ZNF718: variants seen among roughly 807,000 people sequenced by gnomAD.
ZNF718 encodes zinc finger protein 718.
ZNF718 carries 3 observed loss-of-function variants against 2.6 expected under a neutral mutation model. That is an observed-to-expected ratio of 1.16 (90% CI 0.53 to 3.01). ZNF718 has a LOEUF of 3.01. ZNF718 is among the 30% of genes most tolerant of loss of function. The pLI is 0.03. For synonymous variants in ZNF718, 135 were observed against 77.9 expected, an observed-to-expected ratio of 1.73 and a Z score of -3.86; for missense variants, 468 against 230.0, an observed-to-expected ratio of 2.03 and a Z score of -6.69.
At chr4:171,819 C>G (rs1418961102) in intron 3 of ZNF718, among the ~76,000 whole-genome samples, 1 of 152,202 alleles carries the variant, frequency 6.6e-6, no homozygotes, top group Non-Finnish European at 1.5e-5. Flanking sequence ...CGCCCTGCTT[C>G]AGCTCAAGCT....
intron 3 of ZNF718, among the ~76,000 whole-genome samples, chr4:141,546 G>A (rs1402617487): frequency 6.6e-6 from 1 of 152,048 alleles, no homozygotes; most frequent in Non-Finnish European, 1.5e-5. Context: ...TGGATCAGAG[G>A]GCCACTGAAA....
rs782336701 is a variant in ZNF718, at chr4:124,669, A to T, written c.-2A>T. 6.2e-7 allele frequency: 1 copy of T among 1,609,186 alleles called. No homozygotes were observed. The highest frequency in any genetic ancestry group is 8.5e-7 in the Non-Finnish European group (1 of 1,179,722). The stretch of plus-strand genomic sequence containing the variant: ...ACTCTGGGACACTCCTGAAGTCGGG[A>T]AATGGTGAGTGTGCAGGGCAGGGCG... On this transcript the variant is annotated 5_prime_UTR_variant, in exon 1 of 4. Transcript: ENST00000510175.
intron 3 of ZNF718, among the ~76,000 whole-genome samples, chr4:196,506 G>A (rs967277107): frequency 2.0e-5 from 3 of 152,168 alleles, no homozygotes; most frequent in Non-Finnish European, 4.4e-5. Flanking sequence ...TAGATACAGA[G>A]GTAAGGAGAA....
chr4:179,307 C>T (rs1717410151), intron 3 of ZNF718, among the ~76,000 whole-genome samples: 2 of 152,174 alleles, frequency 1.3e-5, no homozygotes, highest in Non-Finnish European at 2.9e-5. Context: ...TCAGTTTTGA[C>T]ATCATGAGGT....
chr4:156,568 T>G (rs1209532403), intron 3 of ZNF718, among the ~76,000 whole-genome samples: 1 of 152,188 alleles, frequency 6.6e-6, no homozygotes, highest in Middle Eastern at 3.2e-3. Context: ...ATGCATTGTA[T>G]CTCTAGAATG....
At chr4:144,910 G>A (rs1715980584) in intron 3 of ZNF718, among the ~76,000 whole-genome samples, 2 of 151,214 alleles carry the variant, frequency 1.3e-5, no homozygotes, top group African/African-American at 4.9e-5. Flanking sequence ...TCAAATATAA[G>A]ACCCCATCAT....
intron 3 of ZNF718, among the ~76,000 whole-genome samples, chr4:175,939 C>T (rs537641593): frequency 1.9e-4 from 27 of 144,724 alleles, no homozygotes; most frequent in Admixed American, 4.5e-4. Flanking sequence ...TCACTGCAAG[C>T]TCCGCCTCCC....
intron 3 of ZNF718, among the ~76,000 whole-genome samples, chr4:148,610 C>CA (rs33957522): frequency 0.054 from 3,970 of 73,692 alleles, 180 homozygotes; most frequent in African/African-American, 0.12. Context: ...GACTCTGTCT[C>CA]AAAAAAAAAA....
downstream of ZNF718, among the ~76,000 whole-genome samples, chr4:166,185 A>G (rs1449325990): frequency 6.6e-6 from 1 of 152,080 alleles, no homozygotes; most frequent in Non-Finnish European, 1.5e-5. Context: ...TGAACTCATC[A>G]TTTTTTATGG....
chr4:191,219 G>C (rs1466941505), intron 3 of ZNF718, among the ~76,000 whole-genome samples: 1 of 146,742 alleles, frequency 6.8e-6, no homozygotes, highest in Admixed American at 6.8e-5. Context: ...TGTCATCTCG[G>C]CTCACTGCAA....
chr4:179,321 GT>G (rs1181919754), intron 3 of ZNF718, among the ~76,000 whole-genome samples: 27 of 152,106 alleles, frequency 1.8e-4, no homozygotes, highest in African/African-American at 6.3e-4. Context: ...ATGAGGTGTG[GT>G]ACCTCTAACT....
At chr4:150,740 T>C (rs1308256450) in intron 3 of ZNF718, among the ~76,000 whole-genome samples, 1 of 145,868 alleles carries the variant, frequency 6.9e-6, no homozygotes. Context: ...GACATACTGA[T>C]TTTGTTTTTT....
rs1374598606 is a variant in ZNF718 at position 162,401 on chromosome 4, A to C, written c.*279A>C. ...GGCAAAACCTTTAACCAATGCTCAT[A>C]TCTCTTTGCACATGATAGCATTTAT... On this transcript the variant is annotated 3_prime_UTR_variant, in exon 4 of 4. Coordinates refer to ENST00000510175, the MANE Select transcript of ZNF718 (RefSeq NM_001039127.6). 1.4e-5 allele frequency: 4 copies of C among 296,130 alleles called. No homozygotes were observed. The highest frequency in any genetic ancestry group is 9.0e-5 in the Admixed American group (2 of 22,292). 18.3% of individuals were successfully genotyped at this position (296,130 alleles called of 1,614,324 possible). A position where few individuals can be genotyped will look rare whatever the true frequency, so the allele number is the denominator to read the frequency against.
intron 3 of ZNF718, among the ~76,000 whole-genome samples, chr4:194,993 C>T (rs1717763732): frequency 6.6e-6 from 1 of 152,130 alleles, no homozygotes; most frequent in Non-Finnish European, 1.5e-5. Context: ...CACCCCTTTT[C>T]CTGCCTTTCT....
intron 3 of ZNF718, among the ~76,000 whole-genome samples, chr4:144,091 G>A (rs550506572): frequency 3.9e-5 from 6 of 152,064 alleles, no homozygotes; most frequent in African/African-American, 1.2e-4. Flanking sequence ...CTCCATTTAC[G>A]TTGGGCATAC....
intron 3 of ZNF718, among the ~76,000 whole-genome samples, chr4:145,648 G>C (rs1302032720): frequency 6.6e-6 from 1 of 151,986 alleles, no homozygotes; most frequent in African/African-American, 2.4e-5. Flanking sequence ...TATAGAGGCA[G>C]GGTTTTGCCA....
Position 162,867 on chromosome 4 carries a change from T to C in ZNF718, c.*745T>C, listed in dbSNP as rs1716959762. On this transcript the variant is annotated 3_prime_UTR_variant, in exon 4 of 4. Transcript: ENST00000510175. Reference sequence around the variant, plus strand: ...AAGATAGTCTGAAATTAAGACTAAATGTCAGAATATTTACAGTAGAAAGAA... The same window carrying C: ...AAGATAGTCTGAAATTAAGACTAAACGTCAGAATATTTACAGTAGAAAGAA... The C allele has an allele frequency of 6.6e-6, 1 of 152,180 alleles. No homozygotes were observed. The highest frequency in any genetic ancestry group is 2.4e-5 in the African/African-American group (1 of 41,456). The allele number at this position is 152,180 out of a possible 1,614,324, so 9.4% of individuals were successfully genotyped here.
chr4:165,463 C>T (rs1361622828), downstream of ZNF718, among the ~76,000 whole-genome samples: 1 of 152,114 alleles, frequency 6.6e-6, no homozygotes, highest in Admixed American at 6.6e-5. Context: ...TATGAAGAAA[C>T]TCATCCAAAT....
intron 3 of ZNF718, among the ~76,000 whole-genome samples, chr4:172,999 T>G (rs1717270737): frequency 6.6e-6 from 1 of 152,026 alleles, no homozygotes. Flanking sequence ...GAGCCAAGAT[T>G]GTGCCACCGC....
Sources: allele counts gnomAD v4.1 joint callset (sites outside exome capture counted in the v4.1 genomes callset), GRCh38; gene constraint gnomAD v4.1.1; transcripts MANE v1.5; gene names NCBI Gene and HGNC (gene_info 2026-07-23, HGNC 2026-07-21).